Variants in GATAD2A observed in about 807,000 individuals in gnomAD.
GATAD2A encodes the protein GATA zinc finger domain containing 2A.
GATAD2A carries 12 observed loss-of-function variants against 68.5 expected under a neutral mutation model. The observed-to-expected ratio is 0.18, with a 90% CI of 0.11 to 0.28. The LOEUF (loss-of-function observed/expected upper bound fraction) is 0.28, where lower values mean the gene tolerates loss of function less well. Among genes scored for constraint, GATAD2A ranks in the 10% least tolerant of loss-of-function variants. The pLI, the probability that GATAD2A is intolerant of heterozygous loss-of-function variation, is 1.00. For missense variants in GATAD2A, 755 were observed against 868.5 expected (o/e 0.87, Z 1.64); for synonymous variants, 410 against 375.3 (o/e 1.09, Z -1.07).
rs10282 is a variant in GATAD2A, at chr19:19,508,508, T to C, written c.*3034T>C. 0.43 allele frequency: 65,448 copies of C among 152,142 alleles called. 15,463 individuals are homozygous for C. The highest frequency in any genetic ancestry group is 0.62 in the African/African-American group (25,836 of 41,476). The allele number at this position is 152,142 out of a possible 1,614,324, so 9.4% of individuals were successfully genotyped here. A position where few individuals can be genotyped will look rare whatever the true frequency, so the allele number is the denominator to read the frequency against. On this transcript the variant is annotated 3_prime_UTR_variant, in exon 12 of 12. Transcript: ENST00000683918. ...CAGCCCCGCTGGGCCCCGTGGCTCCTGCTCTCCTATTGGACGTAGAGGCAG... is the reference window on the plus strand; with the variant it reads ...CAGCCCCGCTGGGCCCCGTGGCTCCCGCTCTCCTATTGGACGTAGAGGCAG...
chr19:19,505,516 A>T lies in GATAD2A; in HGVS notation c.*42A>T. ...TGGAAGACGGGCTCCCTCCTCCCCC[A>T]CCTGGCCCCTGGTCTAGAAGGACCC... is the stretch of plus-strand genomic sequence containing the variant. On this transcript the variant is annotated 3_prime_UTR_variant, in exon 12 of 12. Coordinates refer to ENST00000683918, the MANE Select transcript of GATAD2A (RefSeq NM_001384528.1). 1 of 1,528,442 alleles carries T rather than the reference A, an allele frequency of 6.5e-7. No homozygotes were observed. The highest frequency in any genetic ancestry group is 8.8e-7 in the Non-Finnish European group (1 of 1,136,574). The allele number at this position is 1,528,442 out of a possible 1,614,324, so 94.7% of individuals were successfully genotyped here. A position where few individuals can be genotyped will look rare whatever the true frequency, so the allele number is the denominator to read the frequency against.
intron 1 of GATAD2A, among the ~76,000 whole-genome samples, chr19:19,451,839 A>C (rs2056418061): frequency 6.6e-6 from 1 of 152,212 alleles, no homozygotes; most frequent in African/African-American, 2.4e-5. Flanking sequence ...ATGCAGAAGA[A>C]AGACTTTTTT....
intron 1 of GATAD2A, among the ~76,000 whole-genome samples, chr19:19,429,555 A>G (rs1232277991): frequency 6.6e-6 from 1 of 151,890 alleles, no homozygotes; most frequent in African/African-American, 2.4e-5. Context: ...CTGGTTTATT[A>G]TGGGGAGTAG....
At chr19:19,442,631 A>G (rs1377440554) in intron 1 of GATAD2A, among the ~76,000 whole-genome samples, 1 of 152,098 alleles carries the variant, frequency 6.6e-6, no homozygotes, top group East Asian at 1.9e-4. Context: ...GTGTCTCACA[A>G]AAAGAAAAAC....
At chr19:19,457,002 C>T in intron 1 of GATAD2A, 2 of 647,340 alleles carry the variant, frequency 3.1e-6, no homozygotes, top group Non-Finnish European at 3.8e-6. Context: ...CTATTAATTA[C>T]AAAGGAGCAA....
At chr19:19,431,792 C>T (rs1490904193) in intron 1 of GATAD2A, among the ~76,000 whole-genome samples, 1 of 151,852 alleles carries the variant, frequency 6.6e-6, no homozygotes, top group Non-Finnish European at 1.5e-5. Context: ...TACCCCTGCC[C>T]TTGTGGTGTG....
intron 1 of GATAD2A, among the ~76,000 whole-genome samples, chr19:19,414,530 C>CTTTTTTTT (rs758728889): frequency 1.7e-4 from 12 of 70,208 alleles, no homozygotes; most frequent in African/African-American, 4.8e-4. Context: ...AGGGCCTTGT[C>CTTTTTTTT]TTTTTTTTTT....
At chr19:19,404,708 A>G (rs979360761), upstream of GATAD2A, among the ~76,000 whole-genome samples, 7 of 152,064 alleles carry the variant, frequency 4.6e-5, 1 homozygote, top group East Asian at 5.8e-4. Context: ...AGAAAACAGT[A>G]CGTTGCATGT....
At chr19:19,501,635 C>A (rs986777981) in intron 9 of GATAD2A, among the ~76,000 whole-genome samples, 1 of 152,238 alleles carries the variant, frequency 6.6e-6, no homozygotes, top group African/African-American at 2.4e-5. Flanking sequence ...TCTTCAAGGT[C>A]TTTTCTGAAA....
chr19:19,403,030 C>T (rs191475272), upstream of GATAD2A, among the ~76,000 whole-genome samples: 73 of 152,152 alleles, frequency 4.8e-4, no homozygotes, highest in Admixed American at 8.5e-4. Flanking sequence ...GCCTCGGCCT[C>T]CCAAAGTTCT....
intron 2 of GATAD2A, among the ~76,000 whole-genome samples, chr19:19,491,108 G>C (rs1341355121): frequency 6.6e-6 from 1 of 152,178 alleles, no homozygotes; most frequent in Admixed American, 6.5e-5. Context: ...AGACTAGTGT[G>C]TTCCTGCCTG....
At chr19:19,389,873 C>T (rs1423595816) in intron 1 of GATAD2A, among the ~76,000 whole-genome samples, 1 of 152,166 alleles carries the variant, frequency 6.6e-6, no homozygotes, top group Admixed American at 6.5e-5. Context: ...CGTGATCCTC[C>T]CACCTCAGCC....
intron 1 of GATAD2A, among the ~76,000 whole-genome samples, chr19:19,399,518 A>G (rs1249030682): frequency 6.6e-6 from 1 of 152,126 alleles, no homozygotes; most frequent in Non-Finnish European, 1.5e-5. Flanking sequence ...TGCATTTTCA[A>G]ACTTTAGCCT....
intron 2 of GATAD2A, among the ~76,000 whole-genome samples, chr19:19,467,393 G>T (rs1466320949): frequency 6.6e-6 from 1 of 151,986 alleles, no homozygotes; most frequent in Non-Finnish European, 1.5e-5. Flanking sequence ...AAAAAATATT[G>T]CTAGCACCTC....
intron 7 of GATAD2A, 144 bp downstream of exon 7, chr19:19,496,363 T>A: frequency 1.3e-6 from 1 of 757,380 alleles, no homozygotes; most frequent in Non-Finnish European, 2.1e-6. Context: ...AGGCAGGGGC[T>A]TGGACTTGAG....
At chr19:19,457,448 A>G (rs1359461436) in intron 1 of GATAD2A, among the ~76,000 whole-genome samples, 2 of 152,072 alleles carry the variant, frequency 1.3e-5, no homozygotes, top group Non-Finnish European at 1.5e-5. Context: ...CAGTGTAAAC[A>G]TGATTAACAA....
At chr19:19,446,504 T>C (rs778865640) in intron 1 of GATAD2A, among the ~76,000 whole-genome samples, 6 of 152,146 alleles carry the variant, frequency 3.9e-5, no homozygotes, top group Middle Eastern at 3.4e-3. Flanking sequence ...TATTCTATAA[T>C]GCCCTTTGCA....
At chr19:19,408,193 G>A (rs940068256) in intron 1 of GATAD2A, among the ~76,000 whole-genome samples, 2 of 152,100 alleles carry the variant, frequency 1.3e-5, no homozygotes, top group African/African-American at 4.8e-5. Context: ...CACCATGCTG[G>A]CCAGGCTGGT....
chr19:19,457,309 A>T, intron 1 of GATAD2A: 1 of 855,598 alleles, frequency 1.2e-6, no homozygotes, highest in Non-Finnish European at 1.4e-6. Context: ...CTTCTTCCAT[A>T]GCCCCAGGCA....
Sources: allele counts gnomAD v4.1 joint callset (sites outside exome capture counted in the v4.1 genomes callset), GRCh38; gene constraint gnomAD v4.1.1; transcripts MANE v1.5; gene names NCBI Gene and HGNC (gene_info 2026-07-23, HGNC 2026-07-21).